The following CSMD1 variants were observed in gnomAD, a reference collection of about 807,000 sequenced individuals.
The protein encoded by CSMD1 is CUB and sushi domain-containing protein 1.
A neutral mutation model predicts 417.5 loss-of-function variants in CSMD1; 213 were observed. The ratio of observed to expected loss-of-function variants is 0.51; its 90% CI spans 0.46 to 0.57. The LOEUF is 0.57. Among genes scored for constraint, CSMD1 ranks in the 20% least tolerant of loss-of-function variants. The pLI, the probability that CSMD1 is intolerant of heterozygous loss-of-function variation, is 0.00. For missense variants in CSMD1, 6,923 were observed against 4,529.7 expected, an observed-to-expected ratio of 1.53 and a Z score of -15.17; for synonymous variants, 2,862 against 1,736.8, an observed-to-expected ratio of 1.65 and a Z score of -16.11.
chr8:4,244,702 T>G (rs1334571185), intron 3 of CSMD1, among the ~76,000 whole-genome samples: 1 of 151,346 alleles, frequency 6.6e-6, no homozygotes, highest in Non-Finnish European at 1.5e-5. Flanking sequence ...CATTCCTCTA[T>G]GTCTAGAAAA....
chr8:3,081,043 T>C (rs566754859), intron 49 of CSMD1, among the ~76,000 whole-genome samples: 1 of 152,338 alleles, frequency 6.6e-6, no homozygotes, highest in African/African-American at 2.4e-5. Flanking sequence ...GATTAGTGAT[T>C]TTATAAATTT....
intron 5 of CSMD1, among the ~76,000 whole-genome samples, chr8:3,796,413 ATC>A: frequency 1.8e-5 from 1 of 54,376 alleles, no homozygotes. Context: ...ATAGATATAT[ATC>A]TATCATGTAT....
intron 1 of CSMD1, among the ~76,000 whole-genome samples, chr8:4,669,961 A>G (rs1019773435): frequency 2.6e-5 from 4 of 152,152 alleles, no homozygotes; most frequent in African/African-American, 9.7e-5. Flanking sequence ...TTTTATGAGG[A>G]TTGGAGCTGC....
chr8:4,027,369 T>A (rs376963631), intron 4 of CSMD1, among the ~76,000 whole-genome samples: 1 of 152,180 alleles, frequency 6.6e-6, no homozygotes, highest in Non-Finnish European at 1.5e-5. Flanking sequence ...AATTGTAACC[T>A]AAATTCTAAT....
At chr8:4,450,076 G>C (rs535754066) in intron 2 of CSMD1, among the ~76,000 whole-genome samples, 2 of 152,026 alleles carry the variant, frequency 1.3e-5, no homozygotes, top group Admixed American at 1.3e-4. Flanking sequence ...GGACTTCCTC[G>C]TCCTGTCTCA....
chr8:4,406,277 C>T (rs1324500189), intron 3 of CSMD1, among the ~76,000 whole-genome samples: 1 of 152,050 alleles, frequency 6.6e-6, no homozygotes, highest in African/African-American at 2.4e-5. Flanking sequence ...TCAGATAGTG[C>T]AATTCAAACA....
At chr8:4,139,436 A>C (rs946160891) in intron 3 of CSMD1, among the ~76,000 whole-genome samples, 1 of 151,608 alleles carries the variant, frequency 6.6e-6, no homozygotes, top group Admixed American at 6.6e-5. Flanking sequence ...AGAACGAAGG[A>C]AGACTCTATG....
At chr8:4,903,531 C>A (rs1377100023) in intron 1 of CSMD1, among the ~76,000 whole-genome samples, 1 of 152,070 alleles carries the variant, frequency 6.6e-6, no homozygotes, top group Admixed American at 6.6e-5. Flanking sequence ...AATACTGAAA[C>A]AGGAGATATA....
chr8:3,171,493 G>C (rs1484549791), intron 37 of CSMD1, among the ~76,000 whole-genome samples: 1 of 152,150 alleles, frequency 6.6e-6, no homozygotes, highest in Admixed American at 6.5e-5. Context: ...CATAAATGAT[G>C]AGTTGGTGGT....
intron 7 of CSMD1, among the ~76,000 whole-genome samples, chr8:3,682,264 A>T (rs998968300): frequency 1.3e-5 from 2 of 152,108 alleles, no homozygotes; most frequent in Non-Finnish European, 2.9e-5. Context: ...AACCTAAAAA[A>T]TGGGATAAAA....
chr8:3,274,564 A>C (rs1585886846), intron 26 of CSMD1, among the ~76,000 whole-genome samples: 1 of 152,058 alleles, frequency 6.6e-6, no homozygotes, highest in Non-Finnish European at 1.5e-5. Flanking sequence ...TGGGAGTCTA[A>C]GTCTCTTTGT....
chr8:4,182,023 C>T lies in CSMD1; in HGVS notation c.416-149924G>A, dbSNP rs904329508. On this transcript the variant is annotated intron_variant, in intron 3 of 69. Coordinates refer to ENST00000635120, the MANE Select transcript of CSMD1 (RefSeq NM_033225.6). ...TTAAGTACACAGAAACTCATACACA[C>T]CCGTGTGTGTGTGTGTGTGTCGGTG... 2.3e-5 allele frequency among the ~76,000 whole-genome samples: 3 copies of T among 129,408 alleles called. No individual in the cohort carries two copies. In the Admixed American group the frequency reaches 2.4e-4, roughly 10 times the overall value. The allele number at this position is 129,408 out of a possible 152,430, so 84.9% of individuals were successfully genotyped here.
intron 2 of CSMD1, among the ~76,000 whole-genome samples, chr8:4,563,480 T>C (rs1798443923): frequency 6.6e-6 from 1 of 152,174 alleles, no homozygotes; most frequent in Non-Finnish European, 1.5e-5. Flanking sequence ...GCACAGGCTC[T>C]CCCGTTCAGT....
intron 50 of CSMD1, among the ~76,000 whole-genome samples, chr8:3,037,159 C>G (rs1285455513): frequency 6.6e-6 from 1 of 152,182 alleles, no homozygotes. Flanking sequence ...TTATTTCATT[C>G]CTTTTTATGG....
chr8:4,810,251 T>C (rs1366507873), intron 1 of CSMD1, among the ~76,000 whole-genome samples: 5 of 152,248 alleles, frequency 3.3e-5, no homozygotes, highest in Non-Finnish European at 7.3e-5. Flanking sequence ...TTTTCATTTA[T>C]GTGAAATGAT....
intron 1 of CSMD1, among the ~76,000 whole-genome samples, chr8:4,919,583 G>C (rs1806299166): frequency 6.6e-6 from 1 of 152,156 alleles, no homozygotes; most frequent in South Asian, 2.1e-4. Flanking sequence ...TCAATACCCA[G>C]TACTCAGTAC....
In CSMD1 at chr8:3,018,493, G is replaced by GCTGC; in HGVS notation, c.8009_8012dup (p.Ser2671ArgfsTer23). ...TGAATTTACCCAGACATCGAGTTTCGCTGCCGCTCCAGAGCCCATTTGCCA... is the reference window on the plus strand; with the variant it reads ...TGAATTTACCCAGACATCGAGTTTCGCTGCCTGCCGCTCCAGAGCCCATTTGCCA... On this transcript the variant is annotated frameshift_variant, in exon 52 of 70. Coordinates refer to ENST00000635120, the MANE Select transcript of CSMD1 (RefSeq NM_033225.6). LOFTEE classifies it high-confidence loss of function. The GCTGC allele has an allele frequency of 6.2e-7, 1 of 1,611,998 alleles. No homozygotes were observed. Among genetic ancestry groups the GCTGC allele is most frequent in the Non-Finnish European group, 8.5e-7 (1 of 1,178,960 alleles).
chr8:4,224,972 C>T (rs1020041581), intron 3 of CSMD1, among the ~76,000 whole-genome samples: 11 of 152,028 alleles, frequency 7.2e-5, no homozygotes, highest in African/African-American at 1.7e-4. Flanking sequence ...ATTAGTTGGG[C>T]GTGGTGCCGT....
intron 3 of CSMD1, among the ~76,000 whole-genome samples, chr8:4,098,645 T>G (rs955103661): frequency 1.3e-5 from 2 of 152,166 alleles, no homozygotes; most frequent in South Asian, 4.1e-4. Context: ...TTCTACGTAT[T>G]GGTGGTTTTT....
Sources: allele counts gnomAD v4.1 joint callset (sites outside exome capture counted in the v4.1 genomes callset), GRCh38; gene constraint gnomAD v4.1.1; transcripts MANE v1.5; gene names NCBI Gene and HGNC (gene_info 2026-07-23, HGNC 2026-07-21).